LRP1B: variants seen among roughly 807,000 people sequenced by gnomAD.
The protein encoded by LRP1B is low-density lipoprotein receptor-related protein 1B.
LRP1B carries 217 observed loss-of-function variants against 556.6 expected under a neutral mutation model. The observed-to-expected ratio is 0.39, with a 90% CI of 0.35 to 0.44. The LOEUF (loss-of-function observed/expected upper bound fraction) is 0.44. Ranked by LOEUF, LRP1B falls within the 20% of genes least tolerant of loss-of-function variation. The pLI is 1.00. For missense variants in LRP1B, 5,053 were observed against 5,620.8 expected, an observed-to-expected ratio of 0.90 and a Z score of 3.23; for synonymous variants, 2,047 against 1,865.8, an observed-to-expected ratio of 1.10 and a Z score of -2.50.
At chr2:140,907,681 T>G (rs576362720) in intron 22 of LRP1B, among the ~76,000 whole-genome samples, 196 bp downstream of exon 22, 1 of 152,256 alleles carries the variant, frequency 6.6e-6, no homozygotes, top group South Asian at 2.1e-4. Flanking sequence ...TATCTTATTT[T>G]CAGAAATTTC....
At chr2:140,892,958 G>A (rs1010157739) in intron 23 of LRP1B, among the ~76,000 whole-genome samples, 10 of 152,034 alleles carry the variant, frequency 6.6e-5, no homozygotes, top group African/African-American at 2.2e-4. Flanking sequence ...ATTTTTATAA[G>A]AGAATATATG....
chr2:141,888,125 T>A (rs889409838), intron 1 of LRP1B, among the ~76,000 whole-genome samples: 2 of 152,220 alleles, frequency 1.3e-5, no homozygotes, highest in African/African-American at 4.8e-5. Context: ...AGGAATTATA[T>A]GGACTTTGCC....
intron 41 of LRP1B, among the ~76,000 whole-genome samples, chr2:140,672,213 C>T (rs1685509026): frequency 6.6e-6 from 1 of 152,056 alleles, no homozygotes; most frequent in Non-Finnish European, 1.5e-5. Flanking sequence ...CCAGGCTGGG[C>T]TCAGTGGCTC....
At chr2:140,365,339 A>C (rs1016660743) in intron 71 of LRP1B, among the ~76,000 whole-genome samples, 4 of 151,698 alleles carry the variant, frequency 2.6e-5, no homozygotes, top group African/African-American at 9.7e-5. Flanking sequence ...TTTAAATAAA[A>C]GTTGTGCAGT....
chr2:141,032,018 TG>T (rs1367956361), intron 11 of LRP1B, among the ~76,000 whole-genome samples: 1 of 152,066 alleles, frequency 6.6e-6, no homozygotes, highest in African/African-American at 2.4e-5. Flanking sequence ...TATATCATGT[TG>T]TACAAATTTT....
chr2:141,032,826 C>CATATATATATATATAT lies in LRP1B; in HGVS notation c.1790-12725_1790-12724insATATATATATATATAT, dbSNP rs71391641. 1.8e-3 allele frequency among the ~76,000 whole-genome samples: 232 copies of CATATATATATATATAT among 126,652 alleles called. 3 individuals carry two copies. Among genetic ancestry groups the CATATATATATATATAT allele is most frequent in the Middle Eastern group, 0.012 (3 of 246 alleles). 83.1% of individuals were successfully genotyped at this position (126,652 alleles called of 152,430 possible). A position where few individuals can be genotyped will look rare whatever the true frequency, so the allele number is the denominator to read the frequency against. ...ATGTGTGTGTGTATATATATACATA[C>CATATATATATATATAT]ATATATATATATATGCAGGCATATG... On this transcript the variant is annotated intron_variant, in intron 11 of 90. Coordinates refer to ENST00000389484, the MANE Select transcript of LRP1B (RefSeq NM_018557.3).
At chr2:140,476,521 T>C (rs905423011) in intron 59 of LRP1B, among the ~76,000 whole-genome samples, 2 of 151,970 alleles carry the variant, frequency 1.3e-5, no homozygotes, top group South Asian at 2.1e-4. Flanking sequence ...TTTAACCACA[T>C]ACTAAAAAGG....
At chr2:141,699,603 G>T (rs1691862901) in intron 2 of LRP1B, among the ~76,000 whole-genome samples, 1 of 151,096 alleles carries the variant, frequency 6.6e-6, no homozygotes, top group Non-Finnish European at 1.5e-5. Context: ...TACAACCCTG[G>T]ATCACCTCTC....
intron 2 of LRP1B, among the ~76,000 whole-genome samples, chr2:141,555,935 GGTTTT>G (rs750771108): frequency 1.9e-3 from 282 of 151,660 alleles, no homozygotes; most frequent in African/African-American, 5.6e-3. Context: ...ATTTCTGCAG[GGTTTT>G]GTTTTGTTTT....
chr2:141,079,509 C>T (rs1392449510), intron 7 of LRP1B, among the ~76,000 whole-genome samples: 1 of 152,222 alleles, frequency 6.6e-6, no homozygotes, highest in African/African-American at 2.4e-5. Context: ...GTGAGCACAA[C>T]AGACTCACAA....
intron 2 of LRP1B, among the ~76,000 whole-genome samples, chr2:141,664,766 A>G (rs1290325390): frequency 6.6e-6 from 1 of 152,222 alleles, no homozygotes; most frequent in South Asian, 2.1e-4. Flanking sequence ...TGTTGTGAAA[A>G]TGGCCACACT....
rs116070557 is a variant in LRP1B at position 141,395,833 on chromosome 2, A to G, written c.343+84563T>C. ...TGCATAAGCATGAAGGAAACAGGGG[A>G]GAGATAATGAGAAATAAACCAGATC... On this transcript the variant is annotated intron_variant, in intron 3 of 90. Transcript: ENST00000389484. Among the ~76,000 whole-genome samples, 178 of 152,290 alleles carry G rather than the reference A, an allele frequency of 1.2e-3. 1 individual carries two copies. Among genetic ancestry groups the G allele is most frequent in the African/African-American group, 3.8e-3 (157 of 41,586 alleles).
At chr2:140,771,309 A>G (rs1159254431) in intron 33 of LRP1B, among the ~76,000 whole-genome samples, 1 of 152,124 alleles carries the variant, frequency 6.6e-6, no homozygotes, top group African/African-American at 2.4e-5. Context: ...GATCAGAGAA[A>G]CCAGCATCTT....
intron 3 of LRP1B, among the ~76,000 whole-genome samples, chr2:141,417,004 A>G (rs1691132767): frequency 6.6e-6 from 1 of 152,200 alleles, no homozygotes; most frequent in Admixed American, 6.5e-5. Context: ...AACTTTTTTT[A>G]CAAAGAATAA....
chr2:140,325,208 A>G (rs1680411007), intron 80 of LRP1B, among the ~76,000 whole-genome samples: 1 of 152,000 alleles, frequency 6.6e-6, no homozygotes, highest in Admixed American at 6.6e-5. Context: ...GAAATATGAG[A>G]CAGTAAAAAA....
intron 7 of LRP1B, among the ~76,000 whole-genome samples, chr2:141,129,749 C>A (rs987671054): frequency 6.7e-6 from 1 of 149,778 alleles, no homozygotes; most frequent in Non-Finnish European, 1.5e-5. Flanking sequence ...AAAATAGGAA[C>A]AAAATTCATA....
At chr2:141,077,867 A>G (rs1699830517) in intron 7 of LRP1B, among the ~76,000 whole-genome samples, 1 of 152,162 alleles carries the variant, frequency 6.6e-6, no homozygotes, top group Non-Finnish European at 1.5e-5. Context: ...TACAGTATCC[A>G]AAATTCTTTT....
At chr2:141,181,106 C>T (rs1255702598) in intron 7 of LRP1B, among the ~76,000 whole-genome samples, 1 of 151,874 alleles carries the variant, frequency 6.6e-6, no homozygotes, top group East Asian at 1.9e-4. Flanking sequence ...TTTAGGTGGG[C>T]ATGTACTCCA....
intron 18 of LRP1B, among the ~76,000 whole-genome samples, chr2:140,967,250 G>T (rs1349643146): frequency 6.6e-6 from 1 of 151,798 alleles, no homozygotes; most frequent in Non-Finnish European, 1.5e-5. Context: ...CCTCAAAGGG[G>T]TTCTTCACAT....
Sources: allele counts gnomAD v4.1 joint callset (sites outside exome capture counted in the v4.1 genomes callset), GRCh38; gene constraint gnomAD v4.1.1; transcripts MANE v1.5; gene names NCBI Gene and HGNC (gene_info 2026-07-23, HGNC 2026-07-21).